LMBR1: variants seen among roughly 807,000 people sequenced by gnomAD.
LMBR1 encodes the protein limb development membrane protein 1, also known as limb region 1 protein homolog.
In LMBR1, 52 loss-of-function variants were observed where a neutral mutation model predicts 73.9. The ratio of observed to expected loss-of-function variants is 0.70; its 90% confidence interval spans 0.56 to 0.89. The LOEUF is 0.89. Ranked by LOEUF, LMBR1 falls within the 40% of genes least tolerant of loss-of-function variation. The probability of loss-of-function intolerance (pLI) is 0.00; values close to 1 mark genes in which losing one functional copy is unlikely to be tolerated. For synonymous variants in LMBR1, 215 were observed against 209.4 expected (o/e 1.03, Z -0.23); for missense variants, 539 against 579.8 (o/e 0.93, Z 0.72).
At chr7:156,684,514 G>A (rs919079818) in intron 16 of LMBR1, among the ~76,000 whole-genome samples, 1 of 152,124 alleles carries the variant, frequency 6.6e-6, no homozygotes, top group African/African-American at 2.4e-5. Flanking sequence ...ACTGCATCAC[G>A]GCACAGTTCC....
intron 9 of LMBR1, among the ~76,000 whole-genome samples, chr7:156,736,145 C>T (rs897609744): frequency 6.6e-6 from 1 of 152,178 alleles, no homozygotes; most frequent in Non-Finnish European, 1.5e-5. Context: ...CTTAGAGTCA[C>T]ATGTCAGTTT....
intron 15 of LMBR1, among the ~76,000 whole-genome samples, chr7:156,697,901 G>T (rs1294413952): frequency 6.6e-6 from 1 of 152,152 alleles, no homozygotes; most frequent in Non-Finnish European, 1.5e-5. Context: ...AATTATAAAA[G>T]TATTATTTGG....
intron 1 of LMBR1, among the ~76,000 whole-genome samples, chr7:156,878,628 C>A (rs1055272898): frequency 6.6e-6 from 1 of 152,240 alleles, no homozygotes; most frequent in Middle Eastern, 3.4e-3. Flanking sequence ...GACCATACTG[C>A]CAAAAGCAAT....
At chr7:156,780,656 A>C (rs1260799379) in intron 5 of LMBR1, among the ~76,000 whole-genome samples, 2 of 152,228 alleles carry the variant, frequency 1.3e-5, no homozygotes, top group Non-Finnish European at 2.9e-5. Context: ...ACACTTGCAG[A>C]GCTCCTACTA....
chr7:156,859,762 A>G (rs143146580), intron 1 of LMBR1, among the ~76,000 whole-genome samples: 99 of 152,306 alleles, frequency 6.5e-4, no homozygotes, highest in African/African-American at 2.3e-3. Context: ...CCCAATCAAA[A>G]TCCCAGTAAA....
intron 15 of LMBR1, among the ~76,000 whole-genome samples, chr7:156,718,009 A>G (rs1043826534): frequency 6.6e-6 from 1 of 152,204 alleles, no homozygotes; most frequent in Non-Finnish European, 1.5e-5. Context: ...TTATTTATGC[A>G]TTCACTTATA....
intron 4 of LMBR1, 27 bp from the exon 5 acceptor site, chr7:156,796,519 G>A: frequency 6.9e-7 from 1 of 1,449,530 alleles, no homozygotes; most frequent in Admixed American, 2.0e-5. Flanking sequence ...AAGAAAAGAA[G>A]AAAAACAGGT....
At chr7:156,828,794 A>G (rs540406009) in intron 3 of LMBR1, among the ~76,000 whole-genome samples, 3 of 152,180 alleles carry the variant, frequency 2.0e-5, no homozygotes, top group Non-Finnish European at 2.9e-5. Flanking sequence ...ATCATCAGTG[A>G]TGTGGGATAT....
chr7:156,875,906 T>TA (rs200997034), intron 1 of LMBR1, among the ~76,000 whole-genome samples: 2,888 of 141,266 alleles, frequency 0.02, 42 homozygotes, highest in Non-Finnish European at 0.033. Context: ...AAAATACAAT[T>TA]AAAAAAAAAA....
At chr7:156,890,614 G>T (rs908475036) in intron 1 of LMBR1, among the ~76,000 whole-genome samples, 2 of 152,120 alleles carry the variant, frequency 1.3e-5, no homozygotes, top group Admixed American at 6.6e-5. Context: ...TCAGGAAAAT[G>T]CAAATTAAAA....
At chr7:156,690,404 G>C (rs1219653054) in intron 15 of LMBR1, among the ~76,000 whole-genome samples, 1 of 152,188 alleles carries the variant, frequency 6.6e-6, no homozygotes, top group African/African-American at 2.4e-5. Flanking sequence ...GCTCTGTGGT[G>C]GGTAATCCTA....
At chr7:156,734,128 A>G in intron 10 of LMBR1, 49 bp downstream of exon 10, 1 of 1,206,530 alleles carries the variant, frequency 8.3e-7, no homozygotes, top group Non-Finnish European at 1.2e-6. Context: ...AAAGTCTTTA[A>G]TAAGAAACCA....
intron 1 of LMBR1, among the ~76,000 whole-genome samples, chr7:156,869,704 C>G (rs960303356): frequency 6.6e-6 from 1 of 151,996 alleles, no homozygotes; most frequent in Non-Finnish European, 1.5e-5. Context: ...CTAGTAAAAG[C>G]CTGAATAGAT....
At chr7:156,752,320 G>C (rs571783702) in intron 9 of LMBR1, among the ~76,000 whole-genome samples, 1 of 152,336 alleles carries the variant, frequency 6.6e-6, no homozygotes, top group South Asian at 2.1e-4. Context: ...ACCTGGAGGG[G>C]ATATGGGGTC....
At chr7:156,812,716 G>A (rs561094067) in intron 4 of LMBR1, among the ~76,000 whole-genome samples, 29 of 152,266 alleles carry the variant, frequency 1.9e-4, no homozygotes, top group East Asian at 1.3e-3. Flanking sequence ...GTTTTACTAC[G>A]GAAAACGTTC....
At chr7:156,744,329 A>C (rs1220238943) in intron 9 of LMBR1, among the ~76,000 whole-genome samples, 1 of 151,890 alleles carries the variant, frequency 6.6e-6, no homozygotes, top group South Asian at 2.1e-4. Flanking sequence ...TTTCTATGTG[A>C]AAGTTTGTAA....
intron 15 of LMBR1, among the ~76,000 whole-genome samples, chr7:156,690,162 T>C (rs1806872433): frequency 6.6e-6 from 1 of 152,202 alleles, no homozygotes; most frequent in African/African-American, 2.4e-5. Context: ...TTTTAACATA[T>C]ACTACCATCA....
intron 1 of LMBR1, among the ~76,000 whole-genome samples, chr7:156,849,290 T>C (rs542156031): frequency 1.4e-4 from 22 of 152,238 alleles, no homozygotes; most frequent in Non-Finnish European, 3.1e-4. Context: ...CATGTTCTCA[T>C]TTATAAGAGG....
At chr7:156,783,743 G>C (rs1193026903) in intron 5 of LMBR1, among the ~76,000 whole-genome samples, 6 of 151,942 alleles carry the variant, frequency 3.9e-5, no homozygotes, top group African/African-American at 9.7e-5. Context: ...GTTTCATTAG[G>C]ACTCATGTAC....
Sources: allele counts gnomAD v4.1 joint callset (sites outside exome capture counted in the v4.1 genomes callset), GRCh38; gene constraint gnomAD v4.1.1; transcripts MANE v1.5; gene names NCBI Gene and HGNC (gene_info 2026-07-23, HGNC 2026-07-21).